ABLIM2: variants seen among roughly 807,000 people sequenced by gnomAD.
The protein encoded by ABLIM2 is actin-binding LIM protein 2.
A neutral mutation model predicts 97.7 loss-of-function variants in ABLIM2; 53 were observed. The observed-to-expected ratio is 0.54, with a 90% CI of 0.44 to 0.68. The LOEUF is 0.68. ABLIM2 is among the 30% of genes least tolerant of loss of function. The probability of loss-of-function intolerance (pLI) is 0.00; values close to 1 mark genes in which losing one functional copy is unlikely to be tolerated. For missense variants in ABLIM2, 835 were observed against 867.2 expected (o/e 0.96, Z 0.47); for synonymous variants, 361 against 345.8 (o/e 1.04, Z -0.49).
chr4:7,986,705 C>T lies in ABLIM2; in HGVS notation c.1681-1812G>A, dbSNP rs1744479834. ...TTTTTTTCTTTGAGACAGAGTCTTG[C>T]TCTGTCAGCCAAGCTGGAGTGCAAT... On this transcript the variant is annotated intron_variant, in intron 17 of 20. Coordinates refer to ENST00000447017, the MANE Select transcript of ABLIM2 (RefSeq NM_001130083.2). The surrounding 1 kb of genome is among the most constrained non-coding windows in gnomAD (Gnocchi z 4.3). Among the ~76,000 whole-genome samples the T allele has an allele frequency of 6.6e-6, 1 of 152,090 alleles. No individual in the cohort carries two copies. Among genetic ancestry groups the T allele is most frequent in the South Asian group, 2.1e-4 (1 of 4,814 alleles).
chr4:8,007,831 C>G, intron 16 of ABLIM2: 1 of 1,331,958 alleles, frequency 7.5e-7, no homozygotes, highest in African/African-American at 1.5e-5. Context: ...AGGGGACATG[C>G]AGGCGTGGCC....
chr4:8,005,161 CCCGGCGGGCAGG>C lies in ABLIM2; in HGVS notation c.1618+2886_1618+2897del. The C allele has an allele frequency of 2.7e-6, 1 of 369,984 alleles. No homozygotes were observed. Among genetic ancestry groups the C allele is most frequent in the Non-Finnish European group, 5.5e-6 (1 of 182,066 alleles). The allele number at this position is 369,984 out of a possible 1,614,324, so 22.9% of individuals were successfully genotyped here. On this transcript the variant is annotated intron_variant, in intron 16 of 20. Transcript: ENST00000447017. This position sits in a 1 kb window ranked among gnomAD's most constrained non-coding sequence, Gnocchi z 4.9. Reference sequence around the variant, plus strand: ...GGGCCCTTGCGAAGCCAAAGAGGTGCCCGGCGGGCAGGCGGCGGCGGGATGCGTGTGCGCTCG... The same window carrying C: ...GGGCCCTTGCGAAGCCAAAGAGGTGCCGGCGGCGGGATGCGTGTGCGCTCG...
intron 9 of ABLIM2, among the ~76,000 whole-genome samples, chr4:8,040,325 G>C (rs1787536629): frequency 6.6e-6 from 1 of 152,078 alleles, no homozygotes; most frequent in South Asian, 2.1e-4. Flanking sequence ...ATAAAAAGCA[G>C]GGTGGCCAGG....
chr4:8,054,352 T>C lies in ABLIM2; in HGVS notation c.764-106A>G. 8.3e-7 allele frequency: 1 copy of C among 1,200,822 alleles called. No individual in the cohort carries two copies. Among genetic ancestry groups the C allele is most frequent in the Non-Finnish European group, 1.2e-6 (1 of 826,362 alleles). The allele number at this position is 1,200,822 out of a possible 1,614,324, so 74.4% of individuals were successfully genotyped here. On this transcript the variant is annotated intron_variant, in intron 7 of 20. Coordinates refer to ENST00000447017, the MANE Select transcript of ABLIM2 (RefSeq NM_001130083.2). This position sits in a 1 kb window ranked among gnomAD's most constrained non-coding sequence, Gnocchi z 4.9. Reference sequence around the variant, plus strand: ...AGCTGGTCCATGCACAGACGTGCACTCGGACTCCACCCTCCAAGCGGCCCT... The same window carrying C: ...AGCTGGTCCATGCACAGACGTGCACCCGGACTCCACCCTCCAAGCGGCCCT...
rs1847098751 is a variant in ABLIM2, at chr4:8,124,739, G to C, written c.11-18102C>G. On this transcript the variant is annotated intron_variant, in intron 1 of 20. Transcript: ENST00000447017. The surrounding 1 kb of genome is among the most constrained non-coding windows in gnomAD (Gnocchi z 6.1). ...AACATTCGAGTGTGAATATTCGTGT[G>C]GACATAGGTTTGCATGCTTTTTGGG... Among the ~76,000 whole-genome samples the C allele has an allele frequency of 6.6e-6, 1 of 152,184 alleles. No individual in the cohort carries two copies. The highest frequency in any genetic ancestry group is 1.5e-5 in the Non-Finnish European group (1 of 68,034).
intron 1 of ABLIM2, among the ~76,000 whole-genome samples, chr4:8,158,111 G>T (rs1398950812): frequency 6.6e-6 from 1 of 152,198 alleles, no homozygotes; most frequent in Non-Finnish European, 1.5e-5. Flanking sequence ...CAGGGGCGAG[G>T]GGCTGGAGAC....
chr4:7,967,999 C>T (rs564836565), intron 20 of ABLIM2, among the ~76,000 whole-genome samples: 1 of 152,374 alleles, frequency 6.6e-6, no homozygotes, highest in Non-Finnish European at 1.5e-5. Context: ...ACTCTCCTGC[C>T]TGTCTTCCTC....
intron 1 of ABLIM2, among the ~76,000 whole-genome samples, chr4:8,138,452 C>T (rs1578471681): frequency 6.6e-6 from 1 of 152,170 alleles, no homozygotes; most frequent in African/African-American, 2.4e-5. Flanking sequence ...AGGCATCATG[C>T]TACCTGACTT....
chr4:8,106,831 G>A (rs1391925109), intron 1 of ABLIM2, among the ~76,000 whole-genome samples, 194 bp from the exon 2 acceptor site: 1 of 151,986 alleles, frequency 6.6e-6, no homozygotes, highest in Non-Finnish European at 1.5e-5. Context: ...GATTATGCAG[G>A]GGTTAGGGGC....
chr4:8,151,338 T>C (rs1463959430), intron 1 of ABLIM2, among the ~76,000 whole-genome samples: 5 of 152,178 alleles, frequency 3.3e-5, no homozygotes, highest in Admixed American at 6.5e-5. Flanking sequence ...GAGCCAGCCC[T>C]GGCACCCACA....
intron 9 of ABLIM2, among the ~76,000 whole-genome samples, chr4:8,039,133 C>A (rs140880982): frequency 3.1e-4 from 47 of 152,306 alleles, no homozygotes; most frequent in African/African-American, 9.6e-4. Flanking sequence ...TCACTGAGAC[C>A]CTTGCCCAGC....
chr4:8,024,182 G>A (rs1775817475), intron 12 of ABLIM2, among the ~76,000 whole-genome samples: 1 of 152,140 alleles, frequency 6.6e-6, no homozygotes, highest in East Asian at 1.9e-4. Flanking sequence ...CAGGCCAGGG[G>A]TTCAGAGTGG....
At chr4:7,983,058 C>G (rs924521130) in intron 20 of ABLIM2, among the ~76,000 whole-genome samples, 2 of 152,190 alleles carry the variant, frequency 1.3e-5, no homozygotes, top group African/African-American at 4.8e-5. Flanking sequence ...CCAGGGTGGT[C>G]TTCTTTGCAA....
intron 14 of ABLIM2, among the ~76,000 whole-genome samples, chr4:8,016,089 G>T (rs1769006913): frequency 1.6e-5 from 2 of 127,930 alleles, no homozygotes; most frequent in South Asian, 4.9e-4. Flanking sequence ...CTGTCGCCCA[G>T]GCTGGAGTGC....
Position 8,087,841 on chromosome 4 carries a change from C to G in ABLIM2, c.454+328G>C, listed in dbSNP as rs1233864978. 6.6e-6 allele frequency among the ~76,000 whole-genome samples: 1 copy of G among 152,008 alleles called. No homozygotes were observed. The highest frequency in any genetic ancestry group is 1.5e-5 in the Non-Finnish European group (1 of 67,992). ...AACAGCCAGTGCAAAGACTTGGCGG[C>G]ACGAGAGCCCCAGAAACTTCCATCC... On this transcript the variant is annotated intron_variant, in intron 4 of 20. Coordinates refer to ENST00000447017, the MANE Select transcript of ABLIM2 (RefSeq NM_001130083.2). This position sits in a 1 kb window ranked among gnomAD's most constrained non-coding sequence, Gnocchi z 4.6.
intron 2 of ABLIM2, among the ~76,000 whole-genome samples, chr4:8,104,190 GT>G (rs1398569574): frequency 2.6e-5 from 4 of 152,230 alleles, no homozygotes; most frequent in Non-Finnish European, 5.9e-5. Context: ...CCACCTGCTT[GT>G]TTTTGGAAAT....
intron 4 of ABLIM2, among the ~76,000 whole-genome samples, chr4:8,086,349 CTTTTTT>C (rs1228215168): frequency 8.1e-6 from 1 of 122,984 alleles, no homozygotes. Flanking sequence ...TCCCCTCCCA[CTTTTTT>C]TTTTTTTTTT....
chr4:8,070,578 A>C lies in ABLIM2; in HGVS notation c.675+7050T>G, dbSNP rs532399865. On this transcript the variant is annotated intron_variant, in intron 6 of 20. Transcript: ENST00000447017. ...GACAGACAGGAGGAAGCAAAGAACA[A>C]ATGTCCCGCAATTGCAAGAATGATG... 7.2e-5 allele frequency among the ~76,000 whole-genome samples: 11 copies of C among 152,112 alleles called. No individual in the cohort carries two copies. The South Asian group carries it at 2.3e-3, about 32-fold the overall frequency.
rs757109459 is a variant in ABLIM2, at chr4:7,984,904, AAG to A, written c.1681-13_1681-12del. On this transcript the variant is annotated splice_polypyrimidine_tract_variant and intron_variant, in intron 17 of 20. Coordinates refer to ENST00000447017, the MANE Select transcript of ABLIM2 (RefSeq NM_001130083.2). ...GGCCAGATTGGCATTCTGGAAGAGA[AAG>A]AGAGGTTGGGCGGCAAGAGACAGGC... The A allele has an allele frequency of 2.5e-6, 4 of 1,608,132 alleles. No homozygotes were observed. Among genetic ancestry groups the A allele is most frequent in the Non-Finnish European group, 3.4e-6 (4 of 1,177,716 alleles).
Sources: allele counts gnomAD v4.1 joint callset (sites outside exome capture counted in the v4.1 genomes callset), GRCh38; gene constraint gnomAD v4.1.1; non-coding constraint Gnocchi (gnomAD v3.1); transcripts MANE v1.5; gene names NCBI Gene and HGNC (gene_info 2026-07-23, HGNC 2026-07-21).